The following LHB variants were observed in gnomAD, a reference collection of about 807,000 sequenced individuals.
The protein encoded by LHB is lutropin subunit beta.
A neutral mutation model predicts 10.6 loss-of-function variants in LHB; 11 were observed. The observed-to-expected ratio is 1.04, with a 90% confidence interval of 0.66 to 1.72. The LOEUF is 1.72. LHB is among the 40% of genes most tolerant of loss of function. The pLI, the probability that LHB is intolerant of heterozygous loss-of-function variation, is 0.00. For synonymous variants in LHB, 86 were observed against 83.1 expected (o/e 1.03, Z -0.19); for missense variants, 184 against 197.3 (o/e 0.93, Z 0.41).
In LHB at chr19:49,016,042, G is replaced by C; in HGVS notation, c.*26C>G. The stretch of plus-strand genomic sequence containing the variant: ...TGTCAGGGCTCCAGGAGTCGGGATG[G>C]ACTTGGAAGGCTGCGGGGAGGGTCT... On this transcript the variant is annotated 3_prime_UTR_variant, in exon 3 of 3. Transcript: ENST00000649238. The C allele has an allele frequency of 1.2e-6, 2 of 1,613,968 alleles. No homozygotes were observed. The highest frequency in any genetic ancestry group is 1.7e-6 in the Non-Finnish European group (2 of 1,180,052).
upstream of LHB, chr19:49,018,317 C>T (rs2039591700): frequency 7.4e-6 from 9 of 1,214,526 alleles, no homozygotes; most frequent in Non-Finnish European, 9.3e-6. Context: ...GGAGTCCTTG[C>T]GGGGGTATCC....
At chr19:49,018,960 C>A, upstream of LHB, 2 of 1,533,956 alleles carry the variant, frequency 1.3e-6, no homozygotes, top group Admixed American at 2.0e-5. Flanking sequence ...TGTGAAAGGC[C>A]GGCCAGACAG....
At chr19:49,018,026 G>C (rs1201699306), upstream of LHB, 8 of 398,480 alleles carry the variant, frequency 2.0e-5, no homozygotes, top group South Asian at 1.3e-4. Context: ...GTAGGCTTTC[G>C]GCACGCTGTA....
In LHB at chr19:49,016,530, G is replaced by C. The variant is rs773773209; in HGVS notation, c.183+17C>G. 1.7e-5 allele frequency: 25 copies of C among 1,473,110 alleles called. 1 individual carries two copies. Among genetic ancestry groups the C allele is most frequent in the Non-Finnish European group, 2.2e-5 (25 of 1,120,704 alleles). The allele number at this position is 1,473,110 out of a possible 1,614,324, so 91.3% of individuals were successfully genotyped here. A position where few individuals can be genotyped will look rare whatever the true frequency, so the allele number is the denominator to read the frequency against. ...CCCTGAGGTGGCAGCATCTGCCCCT[G>C]GCCCCAGGCAGCTCACCATGGTGGG... On this transcript the variant is annotated intron_variant, in intron 2 of 2. Coordinates refer to ENST00000649238, the MANE Select transcript of LHB (RefSeq NM_000894.3).
upstream of LHB, chr19:49,019,299 T>TTG (rs33917896): frequency 4.1e-6 from 5 of 1,229,560 alleles, no homozygotes; most frequent in South Asian, 5.2e-5. Flanking sequence ...GGTTCCGCTC[T>TTG]GTCTTAAACC....
chr19:49,017,918 C>G (rs964163446), upstream of LHB: 5 of 398,230 alleles, frequency 1.3e-5, no homozygotes, highest in Non-Finnish European at 2.2e-5. Flanking sequence ...GAGCTCCGCT[C>G]GGCAGCGCGG....
chr19:49,018,071 C>T (rs887046267), upstream of LHB: 3 of 398,702 alleles, frequency 7.5e-6, no homozygotes, highest in Non-Finnish European at 1.3e-5. Context: ...CGGGCCGCCC[C>T]AGGGCGCCTC....
chr19:49,018,934 C>A, upstream of LHB: 1 of 1,534,428 alleles, frequency 6.5e-7, no homozygotes, highest in South Asian at 1.2e-5. Context: ...CGGTCCAGGA[C>A]GCCCCGGTCG....
upstream of LHB, chr19:49,017,907 C>T (rs570669054): frequency 7.5e-6 from 3 of 398,294 alleles, no homozygotes; most frequent in East Asian, 3.6e-5. Context: ...GCGGAGGTCC[C>T]GAGCTCCGCT....
intron 2 of LHB, 109 bp downstream of exon 2, chr19:49,016,438 C>A (rs2039554808): frequency 1.2e-6 from 2 of 1,601,326 alleles, no homozygotes; most frequent in African/African-American, 2.7e-5. Flanking sequence ...CTTCCCACAC[C>A]CCATTCCCCA....
Position 49,016,065 on chromosome 19 carries a change from T to C in LHB, c.*3A>G. ...TGGACTTGGAAGGCTGCGGGGAGGG[T>C]CTTTAGAGGAAGAGGAGGCCTGAGA... On this transcript the variant is annotated 3_prime_UTR_variant, in exon 3 of 3. Coordinates refer to ENST00000649238, the MANE Select transcript of LHB (RefSeq NM_000894.3). 1 of 1,612,042 alleles carries C rather than the reference T, an allele frequency of 6.2e-7. No individual in the cohort carries two copies. The highest frequency in any genetic ancestry group is 1.1e-5 in the South Asian group (1 of 90,990).
At chr19:49,018,981 T>C (rs963838577), upstream of LHB, 2 of 1,533,430 alleles carry the variant, frequency 1.3e-6, no homozygotes, top group African/African-American at 2.7e-5. Context: ...CTCGGGGTTC[T>C]TCGTCCAGGC....
Position 49,016,529 on chromosome 19 carries a change from T to G in LHB, c.183+18A>C, listed in dbSNP as rs4287687. ...GCCCTGAGGTGGCAGCATCTGCCCC[T>G]GGCCCCAGGCAGCTCACCATGGTGG... On this transcript the variant is annotated intron_variant, in intron 2 of 2. Coordinates refer to ENST00000649238, the MANE Select transcript of LHB (RefSeq NM_000894.3). 13 of 292,732 alleles carry G rather than the reference T, an allele frequency of 4.4e-5. No homozygotes were observed. The African/African-American group carries it at 6.9e-4, about 16-fold the overall frequency. 18.1% of individuals were successfully genotyped at this position (292,732 alleles called of 1,614,324 possible). A position where few individuals can be genotyped will look rare whatever the true frequency, so the allele number is the denominator to read the frequency against.
rs2039557464 is a variant in LHB, at chr19:49,016,556, G to A, written c.174C>T (p.Cys58=). 6.2e-7 allele frequency: 1 copy of A among 1,608,144 alleles called. No homozygotes were observed. The highest frequency in any genetic ancestry group is 8.5e-7 in the Non-Finnish European group (1 of 1,179,516). The change falls in exon 2 of 3, where the codon TGC becomes TGT. Residue 58 remains cysteine, a synonymous_variant. Coordinates refer to ENST00000649238, the MANE Select transcript of LHB (RefSeq NM_000894.3). ...GCCCCAGGCAGCTCACCATGGTGGG[G>A]CAGTAGCCGGCACAGATGGTGGTGT... The part of the protein sequence containing the change: ...TVNTTICAGY[C]PTMMRVLQAV...
chr19:49,017,216 C>A, upstream of LHB: 2 of 1,450,526 alleles, frequency 1.4e-6, no homozygotes, highest in Non-Finnish European at 1.9e-6. Flanking sequence ...TGCACATGGC[C>A]AGGGAGGCGC....
chr19:49,017,214 G>A, upstream of LHB: 18 of 1,467,838 alleles, frequency 1.2e-5, no homozygotes, highest in Non-Finnish European at 1.7e-5. Flanking sequence ...GGTGCACATG[G>A]CCAGGGAGGC....
chr19:49,018,436 G>T, upstream of LHB: 1 of 732,738 alleles, frequency 1.4e-6, no homozygotes, highest in Non-Finnish European at 1.9e-6. Flanking sequence ...TCAAACTCCT[G>T]CATTTCCAGG....
At chr19:49,017,724 C>A (rs757512118), upstream of LHB, 146 of 467,244 alleles carry the variant, frequency 3.1e-4, 1 homozygote, top group Non-Finnish European at 4.7e-4. Context: ...ATTTAATACG[C>A]CCGCAGGGTG....
rs371692563 is a variant in LHB, at chr19:49,016,159, G to A, written c.335C>T (p.Pro112Leu). Residue 112 changes from proline (P) to leucine (L), a missense_variant, in exon 3 of 3, where the codon CCC becomes CTC. Pro to Leu is a moderately conservative substitution (Grantham distance 98). Coordinates refer to ENST00000649238, the MANE Select transcript of LHB (RefSeq NM_000894.3). ...ACAGTCAGAGGTGCTGCGGCGGCAG[G>A]GTCCACAGCGACAGCTGAGAGCCAC... ...FPVALSCRCGPCRRSTSDCGG... is the reference protein window; with the variant it reads ...FPVALSCRCGLCRRSTSDCGG... 5.0e-6 allele frequency: 8 copies of A among 1,612,608 alleles called. No individual in the cohort carries two copies. The African/African-American group carries it at 5.3e-5, about 11-fold the overall frequency.
Sources: allele counts gnomAD v4.1 joint callset, GRCh38; gene constraint gnomAD v4.1.1; transcripts MANE v1.5; gene names NCBI Gene and HGNC (gene_info 2026-07-23, HGNC 2026-07-21).